The following DNAAF11 variants were observed in gnomAD, a reference collection of about 807,000 sequenced individuals.
DNAAF11 encodes leucine rich repeat containing 6.
In DNAAF11, 45 loss-of-function variants were observed where a neutral mutation model predicts 60.8. That is an observed-to-expected ratio of 0.74 (90% CI 0.58 to 0.95). The LOEUF (loss-of-function observed/expected upper bound fraction) is 0.95. DNAAF11 is among the 40% of genes least tolerant of loss of function. The pLI, the probability that DNAAF11 is intolerant of heterozygous loss-of-function variation, is 0.00. For missense variants in DNAAF11, 546 were observed against 546.2 expected (o/e 1.00, Z 0.00); for synonymous variants, 191 against 183.5 (o/e 1.04, Z -0.33).
intron 10 of DNAAF11, among the ~76,000 whole-genome samples, chr8:132,600,814 A>G (rs1196258270): frequency 6.6e-6 from 1 of 152,218 alleles, no homozygotes; most frequent in African/African-American, 2.4e-5. Context: ...TAAAACCATA[A>G]AAACCCTAGA....
rs147944983 is a variant in DNAAF11 at position 132,660,839 on chromosome 8, G to A, written c.178+621C>T. ...GTTGTTCAATTCTGCATGTAACTGG[G>A]TGGGTAGGTTAATTCTGAGGGCAAT... On this transcript the variant is annotated intron_variant, in intron 2 of 11. Coordinates refer to ENST00000620350, the MANE Select transcript of DNAAF11 (RefSeq NM_012472.6). Among the ~76,000 whole-genome samples, 101 of 152,292 alleles carry A rather than the reference G, an allele frequency of 6.6e-4. 2 individuals carry two copies. Among genetic ancestry groups the A allele is most frequent in the African/African-American group, 2.3e-3 (94 of 41,548 alleles).
At position 132,572,131 on chromosome 8, in the gene DNAAF11, T is replaced by C. The variant is rs1324373838; in HGVS notation, c.*175A>G. 1 of 482,488 alleles carries C rather than the reference T, an allele frequency of 2.1e-6. No individual in the cohort carries two copies. Among genetic ancestry groups the C allele is most frequent in the East Asian group, 3.2e-5 (1 of 31,428 alleles). 29.9% of individuals were successfully genotyped at this position (482,488 alleles called of 1,614,324 possible). On this transcript the variant is annotated 3_prime_UTR_variant, in exon 12 of 12. Coordinates refer to ENST00000620350, the MANE Select transcript of DNAAF11 (RefSeq NM_012472.6). ...TGAGTTATAGCATTTAAGACATACA[T>C]TTTAATTTTAAGCTATCTTAAGGAT...
At chr8:132,599,789 C>T (rs1396107353) in intron 10 of DNAAF11, among the ~76,000 whole-genome samples, 1 of 152,072 alleles carries the variant, frequency 6.6e-6, no homozygotes, top group Non-Finnish European at 1.5e-5. Context: ...ATAATAAGAG[C>T]TATTTATGAC....
rs1173331923 is a variant in DNAAF11 at position 132,570,734 on chromosome 8, C to T, written c.*1572G>A. Among the ~76,000 whole-genome samples the T allele has an allele frequency of 6.6e-6, 1 of 152,216 alleles. No homozygotes were observed. Among genetic ancestry groups the T allele is most frequent in the Non-Finnish European group, 1.5e-5 (1 of 68,042 alleles). On this transcript the variant is annotated 3_prime_UTR_variant, in exon 12 of 12. Coordinates refer to ENST00000620350, the MANE Select transcript of DNAAF11 (RefSeq NM_012472.6). ...GCTGCAGCTGATCCTTGATCTCCAC[C>T]ACTGTGTGTCCATCCCATCTTTCTT...
intron 1 of DNAAF11, among the ~76,000 whole-genome samples, chr8:132,672,448 C>G (rs528560026): frequency 6.6e-6 from 1 of 152,250 alleles, no homozygotes; most frequent in African/African-American, 2.4e-5. Flanking sequence ...ATGACCTCTC[C>G]TTTTCTCACC....
At chr8:132,602,072 T>A (rs762206055) in intron 10 of DNAAF11, among the ~76,000 whole-genome samples, 7 of 152,166 alleles carry the variant, frequency 4.6e-5, no homozygotes, top group African/African-American at 7.2e-5. Context: ...GGATCTCATC[T>A]TCTTACTTTC....
At chr8:132,575,823 G>A (rs1814687063) in intron 11 of DNAAF11, among the ~76,000 whole-genome samples, 1 of 152,198 alleles carries the variant, frequency 6.6e-6, no homozygotes, top group South Asian at 2.1e-4. Flanking sequence ...GGGGATGGGG[G>A]AAGGAGCGGG....
intron 3 of DNAAF11, among the ~76,000 whole-genome samples, chr8:132,652,920 C>T (rs1823168067): frequency 6.6e-6 from 1 of 151,784 alleles, no homozygotes; most frequent in Non-Finnish European, 1.5e-5. Context: ...TGCGCATGTA[C>T]CCAGAACTTC....
At chr8:132,676,320 A>G (rs1033915427), upstream of DNAAF11, among the ~76,000 whole-genome samples, 24 of 152,210 alleles carry the variant, frequency 1.6e-4, no homozygotes, top group Non-Finnish European at 2.9e-4. Context: ...GCACATCAGC[A>G]AGCTCATTCA....
intron 5 of DNAAF11, among the ~76,000 whole-genome samples, chr8:132,625,820 C>G (rs546814265): frequency 1.3e-5 from 2 of 152,258 alleles, no homozygotes; most frequent in East Asian, 3.9e-4. Flanking sequence ...TTCAGTAGAT[C>G]TGAAGTAGTA....
Position 132,629,339 on chromosome 8 carries a change from C to CTT in DNAAF11, c.653+3400_653+3401insAA, listed in dbSNP as rs202230443. Among the ~76,000 whole-genome samples the CTT allele has an allele frequency of 3.4e-3, 504 of 147,488 alleles. 4 individuals carry two copies. The highest frequency in any genetic ancestry group is 0.012 in the African/African-American group (469 of 39,460). On this transcript the variant is annotated intron_variant, in intron 5 of 11. Coordinates refer to ENST00000620350, the MANE Select transcript of DNAAF11 (RefSeq NM_012472.6). ...AGATAACAAGATACAGATACCCATT[C>CTT]TCTTTTTTTTTTTCTTTTTTTTTTT...
chr8:132,659,991 C>T (rs138048070), intron 2 of DNAAF11, among the ~76,000 whole-genome samples: 1,911 of 152,312 alleles, frequency 0.013, 20 homozygotes, highest in Non-Finnish European at 0.019. Flanking sequence ...CACTGCACAT[C>T]ATCACGGGAA....
In DNAAF11 at chr8:132,570,797, C is replaced by A. The variant is rs2130918547; in HGVS notation, c.*1509G>T. Among the ~76,000 whole-genome samples, 1 of 152,298 alleles carries A rather than the reference C, an allele frequency of 6.6e-6. No individual in the cohort carries two copies. The highest frequency in any genetic ancestry group is 1.9e-4 in the East Asian group (1 of 5,178). On this transcript the variant is annotated 3_prime_UTR_variant, in exon 12 of 12. Transcript: ENST00000620350. ...CTGACGAAGGCTGGCTCCAAGCCCACCCACCAGGATCTTGGCCACGGACCA... is the reference window on the plus strand; with the variant it reads ...CTGACGAAGGCTGGCTCCAAGCCCAACCACCAGGATCTTGGCCACGGACCA...
At chr8:132,599,768 C>A (rs1038390914) in intron 10 of DNAAF11, among the ~76,000 whole-genome samples, 2 of 151,990 alleles carry the variant, frequency 1.3e-5, no homozygotes, top group African/African-American at 4.8e-5. Context: ...ATTGATGGGA[C>A]GTATCTCAAA....
the DNAAF11 span, among the ~76,000 whole-genome samples, chr8:132,700,805 GGA>G: frequency 6.6e-6 from 1 of 152,172 alleles, no homozygotes; most frequent in Non-Finnish European, 1.5e-5. Context: ...CAAAATGTAT[GGA>G]CTGAGGAGGA....
At chr8:132,636,488 TG>T (rs1821308242) in intron 4 of DNAAF11, among the ~76,000 whole-genome samples, 1 of 152,182 alleles carries the variant, frequency 6.6e-6, no homozygotes, top group East Asian at 1.9e-4. Flanking sequence ...TCTCCCTGAA[TG>T]GGTCTGGGAG....
chr8:132,635,651 A>G (rs906712064), intron 4 of DNAAF11, among the ~76,000 whole-genome samples: 3 of 152,164 alleles, frequency 2.0e-5, no homozygotes, highest in African/African-American at 7.2e-5. Flanking sequence ...CCTAATCCCC[A>G]GTAGCTCAAA....
At position 132,624,196 on chromosome 8, in the gene DNAAF11, T is replaced by C. The variant is rs1265944714; in HGVS notation, c.836+1076A>G. Among the ~76,000 whole-genome samples, 3 of 152,182 alleles carry C rather than the reference T, an allele frequency of 2.0e-5. No homozygotes were observed. The East Asian group carries it at 5.8e-4, about 29-fold the overall frequency. ...ATGTAGAACTTCCATTTCAAAGGGC[T>C]CTTGAGTCTGCAAAGCACTTTCACA... On this transcript the variant is annotated intron_variant, in intron 6 of 11. Coordinates refer to ENST00000620350, the MANE Select transcript of DNAAF11 (RefSeq NM_012472.6).
intron 11 of DNAAF11, among the ~76,000 whole-genome samples, chr8:132,581,515 T>C (rs1164741069): frequency 6.6e-6 from 1 of 151,666 alleles, no homozygotes; most frequent in African/African-American, 2.4e-5. Context: ...CCAGGCATGG[T>C]GGCAGGCACC....
Sources: gnomAD v4.1 joint callset for allele counts (sites outside exome capture counted in the v4.1 genomes callset) on GRCh38, gnomAD v4.1.1 for gene constraint, MANE v1.5 for transcripts, NCBI Gene and HGNC (gene_info 2026-07-23, HGNC 2026-07-21) for gene names.